The following TMCC1 variants were observed in gnomAD, a reference collection of about 807,000 sequenced individuals.
TMCC1 encodes transmembrane and coiled-coil domain family 1, also known as transmembrane and coiled-coil domains protein 1.
TMCC1 carries 15 observed loss-of-function variants against 52.4 expected under a neutral mutation model. The ratio of observed to expected loss-of-function variants is 0.29; its 90% CI spans 0.19 to 0.44. TMCC1 has a LOEUF of 0.44. TMCC1 is among the 20% of genes least tolerant of loss of function. The pLI, the probability that TMCC1 is intolerant of heterozygous loss-of-function variation, is 1.00. For missense variants in TMCC1, 503 were observed against 806.0 expected (o/e 0.62, Z 4.55); for synonymous variants, 279 against 301.9 (o/e 0.92, Z 0.79).
intron 4 of TMCC1, among the ~76,000 whole-genome samples, chr3:129,678,867 G>T (rs1221041267): frequency 6.6e-6 from 1 of 152,168 alleles, no homozygotes; most frequent in African/African-American, 2.4e-5. Context: ...TCCTAGCAAT[G>T]CAACAGTCTC....
chr3:129,805,417 C>T (rs978814141), intron 4 of TMCC1, among the ~76,000 whole-genome samples: 1 of 152,128 alleles, frequency 6.6e-6, no homozygotes, highest in African/African-American at 2.4e-5. Context: ...CCTACCTTGG[C>T]CTCCTAAAGT....
At chr3:129,887,585 T>C (rs2061773642) in intron 1 of TMCC1, among the ~76,000 whole-genome samples, 1 of 151,432 alleles carries the variant, frequency 6.6e-6, no homozygotes, top group South Asian at 2.1e-4. Flanking sequence ...CTAAATGTTA[T>C]TTATCTTGTA....
intron 2 of TMCC1, among the ~76,000 whole-genome samples, chr3:129,861,182 T>C (rs1210144211): frequency 1.3e-5 from 2 of 152,178 alleles, no homozygotes; most frequent in Non-Finnish European, 2.9e-5. Flanking sequence ...GGCTCACACC[T>C]GTAATTCCAG....
At chr3:129,841,639 A>C (rs1001929657) in intron 2 of TMCC1, among the ~76,000 whole-genome samples, 2 of 152,214 alleles carry the variant, frequency 1.3e-5, no homozygotes, top group Non-Finnish European at 2.9e-5. Flanking sequence ...GTTCACAAAG[A>C]GATAGTCTGA....
intron 4 of TMCC1, among the ~76,000 whole-genome samples, chr3:129,673,420 T>C (rs2088133816): frequency 6.6e-6 from 1 of 152,200 alleles, no homozygotes; most frequent in African/African-American, 2.4e-5. Flanking sequence ...AAGCTCAAAA[T>C]ATACCACAAT....
At chr3:129,834,315 T>G (rs2059056852) in intron 2 of TMCC1, among the ~76,000 whole-genome samples, 1 of 152,038 alleles carries the variant, frequency 6.6e-6, no homozygotes, top group Admixed American at 6.6e-5. Flanking sequence ...ATAGGGGAAA[T>G]AAGATTAAAT....
At chr3:129,812,336 C>CAAAAA (rs11387876) in intron 4 of TMCC1, among the ~76,000 whole-genome samples, 12 of 56,014 alleles carry the variant, frequency 2.1e-4, no homozygotes, top group East Asian at 1.4e-3. Flanking sequence ...GACTCTGTCT[C>CAAAAA]AAAAAAAAAA....
In TMCC1 at chr3:129,651,846, A is replaced by G. The variant is rs527443077; in HGVS notation, c.1648-51T>C. On this transcript the variant is annotated intron_variant, in intron 6 of 6. Transcript: ENST00000393238. The surrounding 1 kb of genome is among the most constrained non-coding windows in gnomAD (Gnocchi z 5.1). Reference sequence around the variant, plus strand: ...AAGCCTTCTGCTCACAAGTATTCTGAGATGCTGACATGCCCCCTGGGCAAG... The same window carrying G: ...AAGCCTTCTGCTCACAAGTATTCTGGGATGCTGACATGCCCCCTGGGCAAG... 1.9e-6 allele frequency: 3 copies of G among 1,559,528 alleles called. No individual in the cohort carries two copies. In the East Asian group the frequency reaches 6.8e-5, roughly 35 times the overall value.
intron 2 of TMCC1, among the ~76,000 whole-genome samples, chr3:129,874,150 T>C (rs2061070991): frequency 6.6e-6 from 1 of 152,236 alleles, no homozygotes; most frequent in Admixed American, 6.5e-5. Context: ...CTTTCATTTC[T>C]ATGGTTTCAA....
chr3:129,827,727 T>C, intron 4 of TMCC1, 76 bp downstream of exon 4: 1 of 1,502,150 alleles, frequency 6.7e-7, no homozygotes. Context: ...TCTTTTTAGT[T>C]ACCAAAGGAA....
chr3:129,802,832 TACA>T (rs1446069054), intron 4 of TMCC1, among the ~76,000 whole-genome samples: 1 of 152,214 alleles, frequency 6.6e-6, no homozygotes, highest in Non-Finnish European at 1.5e-5. Context: ...GAGAAAACTG[TACA>T]AAGAGGAAAG....
chr3:129,867,093 TCCTA>T (rs1377107238), intron 2 of TMCC1: 1 of 151,680 alleles, frequency 6.6e-6, no homozygotes, highest in Non-Finnish European at 1.5e-5. Flanking sequence ...GTCCAATTCA[TCCTA>T]CCTATGAGTT....
intron 1 of TMCC1, chr3:129,893,277 C>T (rs1003004029): frequency 6.6e-6 from 1 of 152,430 alleles, no homozygotes; most frequent in Non-Finnish European, 1.5e-5. Context: ...AGGAAAGAGG[C>T]CCCGTGGGAT....
At chr3:129,725,781 A>G (rs899976595) in intron 4 of TMCC1, among the ~76,000 whole-genome samples, 6 of 152,178 alleles carry the variant, frequency 3.9e-5, no homozygotes, top group Non-Finnish European at 8.8e-5. Context: ...GTTATTACCA[A>G]TTGAAAAGAA....
intron 4 of TMCC1, among the ~76,000 whole-genome samples, chr3:129,693,051 C>T (rs999859766): frequency 1.8e-4 from 27 of 151,950 alleles, no homozygotes; most frequent in Non-Finnish European, 1.8e-4. Flanking sequence ...AGCATGTTTC[C>T]CAGGCTAGAA....
chr3:129,877,652 A>T (rs1376229827), intron 2 of TMCC1, among the ~76,000 whole-genome samples: 1 of 140,218 alleles, frequency 7.1e-6, no homozygotes, highest in Non-Finnish European at 1.5e-5. Flanking sequence ...TTTGAGACAG[A>T]GAGTCTCACT....
chr3:129,877,093 AC>A (rs1278635036), intron 2 of TMCC1, among the ~76,000 whole-genome samples: 2 of 152,190 alleles, frequency 1.3e-5, no homozygotes, highest in East Asian at 3.8e-4. Flanking sequence ...AAGAACATCT[AC>A]CCAGAGTTAC....
intron 4 of TMCC1, chr3:129,794,303 CAT>C (rs1224449192): frequency 4.4e-6 from 2 of 456,258 alleles, no homozygotes; most frequent in South Asian, 1.5e-5. Context: ...CCTCCACAAA[CAT>C]AGAAAACTAC....
intron 4 of TMCC1, among the ~76,000 whole-genome samples, chr3:129,709,914 C>T (rs1326851947): frequency 2.6e-5 from 4 of 151,978 alleles, no homozygotes; most frequent in Admixed American, 6.6e-5. Flanking sequence ...TAGCCAGGCG[C>T]GGTGGCTCAC....
Sources: allele counts gnomAD v4.1 joint callset (sites outside exome capture counted in the v4.1 genomes callset), GRCh38; gene constraint gnomAD v4.1.1; non-coding constraint Gnocchi (gnomAD v3.1); transcripts MANE v1.5; gene names NCBI Gene and HGNC (gene_info 2026-07-23, HGNC 2026-07-21).